The following CHRM2 variants were observed in gnomAD, a reference collection of about 807,000 sequenced individuals.
CHRM2 encodes muscarinic acetylcholine receptor M2.
CHRM2 carries 8 observed loss-of-function variants against 25.0 expected under a neutral mutation model. That is an observed-to-expected ratio of 0.32 (90% confidence interval 0.19 to 0.58). The LOEUF (loss-of-function observed/expected upper bound fraction) is 0.58. CHRM2 is among the 20% of genes least tolerant of loss of function. The pLI is 0.88. For synonymous variants in CHRM2, 202 were observed against 205.7 expected (o/e 0.98, Z 0.15); for missense variants, 440 against 567.1 (o/e 0.78, Z 2.28).
intron 2 of CHRM2, among the ~76,000 whole-genome samples, chr7:136,927,560 C>T (rs1798819964): frequency 6.6e-6 from 1 of 152,156 alleles, no homozygotes; most frequent in South Asian, 2.1e-4. Context: ...AAATTGTACT[C>T]TTACAGATCT....
At position 136,916,834 on chromosome 7, in the gene CHRM2, T is replaced by TTCTCTCTCTC. The variant is rs35224192; in HGVS notation, c.-125+47428_-125+47437dup. 5.4e-5 allele frequency among the ~76,000 whole-genome samples: 8 copies of TTCTCTCTCTC among 148,770 alleles called. No individual in the cohort carries two copies. The South Asian group carries it at 1.7e-3, about 32-fold the overall frequency. Reference sequence around the variant, plus strand: ...ATTTATTCTATCATTCTCCCTCTCTTTCTCTCTCTCTCTCTCTCTCTGTCA... The same window carrying TTCTCTCTCTC: ...ATTTATTCTATCATTCTCCCTCTCTTTCTCTCTCTCTCTCTCTCTCTCTCTCTCTCTGTCA... On this transcript the variant is annotated intron_variant, in intron 2 of 3. Transcript: ENST00000680005.
intron 2 of CHRM2, among the ~76,000 whole-genome samples, chr7:136,981,310 G>C (rs565771576): frequency 1.3e-5 from 2 of 152,212 alleles, no homozygotes; most frequent in African/African-American, 2.4e-5. Flanking sequence ...ATTTTTCATT[G>C]TGTCTATTTG....
At chr7:136,999,399 CT>C (rs1326958738) in intron 3 of CHRM2, among the ~76,000 whole-genome samples, 1 of 151,952 alleles carries the variant, frequency 6.6e-6, no homozygotes, top group Non-Finnish European at 1.5e-5. Context: ...TATTTTACTT[CT>C]TTTTTTAATT....
Position 136,978,267 on chromosome 7 carries a change from C to A in CHRM2, c.-124-13920C>A, listed in dbSNP as rs562551963. Among the ~76,000 whole-genome samples, 268 of 152,250 alleles carry A rather than the reference C, an allele frequency of 1.8e-3. 1 individual carries two copies. Among genetic ancestry groups the A allele is most frequent in the Non-Finnish European group, 3.2e-3 (217 of 68,006 alleles). On this transcript the variant is annotated intron_variant, in intron 2 of 3. Coordinates refer to ENST00000680005, the MANE Select transcript of CHRM2 (RefSeq NM_001006630.2). ...AAGAATTATTGGAATGTTTAAGAAA[C>A]TTTATTTCCATTCACGTGCCTAATC...
intron 2 of CHRM2, among the ~76,000 whole-genome samples, chr7:136,893,575 T>C (rs887620732): frequency 1.3e-5 from 2 of 152,152 alleles, no homozygotes; most frequent in African/African-American, 4.8e-5. Context: ...TTGTACCTCA[T>C]AGCCCAAATC....
chr7:136,910,391 G>T (rs1274679691), intron 2 of CHRM2, among the ~76,000 whole-genome samples: 1 of 151,690 alleles, frequency 6.6e-6, no homozygotes, highest in Non-Finnish European at 1.5e-5. Flanking sequence ...AGTCATTATT[G>T]TAGCAATAAG....
At chr7:136,888,267 G>A (rs535047082) in intron 2 of CHRM2, among the ~76,000 whole-genome samples, 2 of 152,134 alleles carry the variant, frequency 1.3e-5, no homozygotes, top group African/African-American at 4.8e-5. Flanking sequence ...TCTTAAAATA[G>A]ATAGGAGCCA....
At chr7:136,974,568 C>G (rs2130945192) in intron 2 of CHRM2, among the ~76,000 whole-genome samples, 1 of 152,084 alleles carries the variant, frequency 6.6e-6, no homozygotes. Flanking sequence ...AACACAGAGG[C>G]TCGAATGCAT....
intron 2 of CHRM2, among the ~76,000 whole-genome samples, chr7:136,918,851 G>T (rs1170964835): frequency 6.6e-6 from 1 of 152,126 alleles, no homozygotes; most frequent in Non-Finnish European, 1.5e-5. Context: ...TCCTTGGAGA[G>T]AACTGCAAAC....
intron 2 of CHRM2, among the ~76,000 whole-genome samples, chr7:136,910,688 G>A (rs1563060403): frequency 6.6e-6 from 1 of 151,860 alleles, no homozygotes; most frequent in African/African-American, 2.4e-5. Context: ...TTTGAAAACT[G>A]AAATCTGGCT....
At chr7:136,943,486 T>C (rs1388308940) in intron 2 of CHRM2, among the ~76,000 whole-genome samples, 1 of 152,208 alleles carries the variant, frequency 6.6e-6, no homozygotes, top group Non-Finnish European at 1.5e-5. Context: ...TAAGACCCTT[T>C]GCATTATAAT....
intron 2 of CHRM2, among the ~76,000 whole-genome samples, chr7:136,885,050 T>C (rs757343188): frequency 6.6e-6 from 1 of 152,220 alleles, no homozygotes; most frequent in Non-Finnish European, 1.5e-5. Flanking sequence ...AGAAGACAGA[T>C]GAAACTTTGT....
intron 3 of CHRM2, among the ~76,000 whole-genome samples, chr7:136,996,391 T>C (rs1386626317): frequency 1.3e-5 from 2 of 152,090 alleles, no homozygotes; most frequent in African/African-American, 4.8e-5. Context: ...TCAATAAAAT[T>C]ATAGCTAAAA....
chr7:137,015,473 C>T lies in CHRM2; in HGVS notation c.608C>T (p.Thr203Ile), dbSNP rs1335569874. 8 of 1,613,210 alleles carry T rather than the reference C, an allele frequency of 5.0e-6. No individual in the cohort carries two copies. In the African/African-American group the frequency reaches 9.4e-5, roughly 19 times the overall value. The change falls in exon 4 of 4, where the codon ACT becomes ATT. Residue 203 changes from threonine (T) to isoleucine (I), a missense_variant. Coordinates refer to ENST00000680005, the MANE Select transcript of CHRM2 (RefSeq NM_001006630.2). This position sits in a 1 kb window ranked among gnomAD's most constrained non-coding sequence, Gnocchi z 5.1. ...TTCTATTTGCCAGTGATCATCATGA[C>T]TGTGCTATATTGGCACATATCCCGA... ...AAFYLPVIIM[T>I]VLYWHISRAS...
At chr7:136,968,936 A>C (rs1411112674) in intron 2 of CHRM2, among the ~76,000 whole-genome samples, 3 of 152,022 alleles carry the variant, frequency 2.0e-5, no homozygotes. Flanking sequence ...TCATATGAGC[A>C]TTAAAAGAAA....
At position 136,938,715 on chromosome 7, in the gene CHRM2, C is replaced by T. The variant is rs571999436; in HGVS notation, c.-124-53472C>T. On this transcript the variant is annotated intron_variant, in intron 2 of 3. Coordinates refer to ENST00000680005, the MANE Select transcript of CHRM2 (RefSeq NM_001006630.2). ...GAGGTGGACACCTTGTAGGACTGTACCCCTCCTGCGCTGCCCCAGAGCCTG... is the reference window on the plus strand; with the variant it reads ...GAGGTGGACACCTTGTAGGACTGTATCCCTCCTGCGCTGCCCCAGAGCCTG... 4.6e-5 allele frequency among the ~76,000 whole-genome samples: 7 copies of T among 152,086 alleles called. No individual in the cohort carries two copies. In the East Asian group the frequency reaches 1.4e-3, roughly 30 times the overall value.
chr7:136,954,862 A>G (rs1216995758), intron 2 of CHRM2, among the ~76,000 whole-genome samples: 1 of 152,014 alleles, frequency 6.6e-6, no homozygotes, highest in Non-Finnish European at 1.5e-5. Context: ...TAACCTCACT[A>G]CCCCTTCTGG....
intron 3 of CHRM2, among the ~76,000 whole-genome samples, chr7:137,011,439 G>A (rs77545899): frequency 0.021 from 3,253 of 151,642 alleles, 118 homozygotes; most frequent in African/African-American, 0.074. Flanking sequence ...TTCAAAGCCC[G>A]GTCTGCCTGG....
intron 2 of CHRM2, among the ~76,000 whole-genome samples, chr7:136,976,401 C>G (rs1802105956): frequency 6.6e-6 from 1 of 151,964 alleles, no homozygotes; most frequent in East Asian, 1.9e-4. Flanking sequence ...GTGCTAGATA[C>G]TTAATAACTA....
Sources: gnomAD v4.1 joint callset for allele counts (sites outside exome capture counted in the v4.1 genomes callset) on GRCh38, gnomAD v4.1.1 for gene constraint, Gnocchi (gnomAD v3.1) non-coding constraint, MANE v1.5 for transcripts, NCBI Gene and HGNC (gene_info 2026-07-23, HGNC 2026-07-21) for gene names.